The following ATG14 variants were observed in gnomAD, a reference collection of about 807,000 sequenced individuals.
The protein encoded by ATG14 is autophagy related 14.
ATG14 carries 35 observed loss-of-function variants against 60.4 expected under a neutral mutation model. The ratio of observed to expected loss-of-function variants is 0.58; its 90% CI spans 0.44 to 0.77. The LOEUF (loss-of-function observed/expected upper bound fraction) is 0.77, where lower values mean the gene tolerates loss of function less well. ATG14 is among the 30% of genes least tolerant of loss of function. The probability of loss-of-function intolerance (pLI) is 0.00; values close to 1 mark genes in which losing one functional copy is unlikely to be tolerated. For missense variants in ATG14, 647 were observed against 626.3 expected (o/e 1.03, Z -0.35); for synonymous variants, 234 against 228.8 (o/e 1.02, Z -0.21).
At position 55,368,422 on chromosome 14, in the gene ATG14, G is replaced by C. The variant is rs1457882150; in HGVS notation, c.*1197C>G. ...TTTAGTAGAAACAGGGTTTCACCAT[G>C]TTAGCCAGGCTGCTCTCAAACTCCT... is the stretch of plus-strand genomic sequence containing the variant. On this transcript the variant is annotated 3_prime_UTR_variant, in exon 10 of 10. Transcript: ENST00000247178. 6.6e-6 allele frequency: 1 copy of C among 152,150 alleles called. No individual in the cohort carries two copies. Among genetic ancestry groups the C allele is most frequent in the Non-Finnish European group, 1.5e-5 (1 of 68,112 alleles). The allele number at this position is 152,150 out of a possible 1,614,324, so 9.4% of individuals were successfully genotyped here.
In ATG14 at chr14:55,369,716, G is replaced by A. The variant is rs140061696; in HGVS notation, c.1382C>T (p.Ala461Val). ...ACTGCTGCTCGCGATGGGTGGGGAC[G>A]CCTGGGTGCTCTGACTCTGGGAGAC... The part of the protein sequence containing the change: ...VEVSQSQSTQ[A>V]SPPIASSSAG... Residue 461 changes from alanine (A) to valine (V), a missense_variant, in exon 10 of 10, where the codon GCG (alanine) becomes GTG (valine). Physicochemically the swap from Ala to Val is moderately conservative, Grantham distance 64. Transcript: ENST00000247178. 1.9e-4 allele frequency: 302 copies of A among 1,611,756 alleles called. No individual in the cohort carries two copies. In the African/African-American group the frequency reaches 3.5e-3, roughly 18 times the overall value.
chr14:55,372,536 CCCTT>C (rs1359432539), intron 9 of ATG14, among the ~76,000 whole-genome samples: 1 of 151,804 alleles, frequency 6.6e-6, no homozygotes. Flanking sequence ...GCTCACTCCT[CCCTT>C]CCTTCTTTCC....
At chr14:55,371,385 C>G (rs573936503) in intron 9 of ATG14, among the ~76,000 whole-genome samples, 1 of 152,254 alleles carries the variant, frequency 6.6e-6, no homozygotes, top group South Asian at 2.1e-4. Context: ...ACCTGTGCTT[C>G]CCAGATGGAT....
At chr14:55,383,588 C>A (rs57184487) in intron 5 of ATG14, among the ~76,000 whole-genome samples, 19,840 of 149,328 alleles carry the variant, frequency 0.13, 2,573 homozygotes, top group African/African-American at 0.35. Context: ...ACAACAACAA[C>A]AAAAAAAACC....
At chr14:55,376,849 A>G (rs754388249) in intron 9 of ATG14, among the ~76,000 whole-genome samples, 3 of 152,244 alleles carry the variant, frequency 2.0e-5, no homozygotes, top group Non-Finnish European at 4.4e-5. Flanking sequence ...CACCCAGCAC[A>G]GGCGTGCATG....
intron 5 of ATG14, 95 bp downstream of exon 5, chr14:55,385,764 C>G (rs1483649993): frequency 4.1e-5 from 44 of 1,085,354 alleles, no homozygotes; most frequent in Non-Finnish European, 5.6e-5. Flanking sequence ...AACCAATGAC[C>G]CTAGAATAAG....
Position 55,411,637 on chromosome 14 carries a change from G to T in ATG14, c.186C>A (p.Gly62=). ...CGCGGCCGTCGAAGTAGACGAAATC[G>T]CCGCTCTGAACGCATTTGGCGCAGG... ...RLTCAKCVQS[G]DFVYFDGRDR... Residue 62 remains glycine (G), a synonymous_variant, in exon 1 of 10, where the codon GGC becomes GGA. Transcript: ENST00000247178. 6.2e-7 allele frequency: 1 copy of T among 1,612,958 alleles called. No individual in the cohort carries two copies. The highest frequency in any genetic ancestry group is 8.5e-7 in the Non-Finnish European group (1 of 1,179,836).
In ATG14 at chr14:55,390,953, A is replaced by G. The variant is rs1246719730; in HGVS notation, c.367T>C (p.Leu123=). The change falls in exon 4 of 10, where the codon TTA becomes CTA. Residue 123 remains leucine (L), a synonymous_variant. Coordinates refer to ENST00000247178, the MANE Select transcript of ATG14 (RefSeq NM_014924.5). ...TTTCCTTTACATATTGTTTGTTTTA[A>G]CTGTTCAATCCTCATCTTGCAGGAC... ...IMSCKMRIEQ[L]KQTICKGNEE... 1 of 1,606,606 alleles carries G rather than the reference A, an allele frequency of 6.2e-7. No individual in the cohort carries two copies. Among genetic ancestry groups the G allele is most frequent in the South Asian group, 1.1e-5 (1 of 89,380 alleles).
At chr14:55,381,400 T>TA (rs1375548257) in intron 6 of ATG14, among the ~76,000 whole-genome samples, 2 of 152,222 alleles carry the variant, frequency 1.3e-5, no homozygotes, top group African/African-American at 4.8e-5. Context: ...ACTATAAATA[T>TA]GGGTCTAAAC....
chr14:55,390,847 T>A (rs180928003), intron 4 of ATG14, 64 bp downstream of exon 4: 1 of 1,157,258 alleles, frequency 8.6e-7, no homozygotes, highest in Non-Finnish European at 1.3e-6. Context: ...CTCTAGTTTA[T>A]TAATCCCATG....
Position 55,406,631 on chromosome 14 carries a change from T to C in ATG14, c.221+4971A>G, listed in dbSNP as rs550333181. Among the ~76,000 whole-genome samples, 936 of 152,294 alleles carry C rather than the reference T, an allele frequency of 6.1e-3. 12 individuals carry two copies. The highest frequency in any genetic ancestry group is 0.022 in the African/African-American group (895 of 41,556). On this transcript the variant is annotated intron_variant, in intron 1 of 9. Transcript: ENST00000247178. ...CCCAATGAGAGCTCATTAAAAAATA[T>C]CTGGCTATTAGAACAATGGTCCTGG... is the stretch of plus-strand genomic sequence containing the variant.
At chr14:55,371,295 C>G (rs1242479001) in intron 9 of ATG14, among the ~76,000 whole-genome samples, 1 of 152,232 alleles carries the variant, frequency 6.6e-6, no homozygotes, top group African/African-American at 2.4e-5. Context: ...ATGGCTAGCA[C>G]TGGCTTCCAA....
chr14:55,379,074 T>C lies in ATG14; in HGVS notation c.996-1000A>G, dbSNP rs1011032371. Among the ~76,000 whole-genome samples, 4 of 152,160 alleles carry C rather than the reference T, an allele frequency of 2.6e-5. No individual in the cohort carries two copies. In the East Asian group the frequency reaches 7.7e-4, roughly 29 times the overall value. On this transcript the variant is annotated intron_variant, in intron 7 of 9. Transcript: ENST00000247178. ...GCCATGTGACATGCTGTTGATTTGT[T>C]TACTATTTATGCTGGGCCCTCCATG...
chr14:55,370,149 A>G (rs1034678326), intron 9 of ATG14, among the ~76,000 whole-genome samples: 4 of 152,180 alleles, frequency 2.6e-5, no homozygotes, highest in African/African-American at 9.7e-5. Flanking sequence ...ACACTTTCCC[A>G]CAAGTCTGCC....
At chr14:55,383,166 C>T (rs530416542) in intron 5 of ATG14, among the ~76,000 whole-genome samples, 20 of 152,268 alleles carry the variant, frequency 1.3e-4, no homozygotes, top group African/African-American at 4.6e-4. Flanking sequence ...GCGTCCCATG[C>T]CATCATATGC....
intron 9 of ATG14, among the ~76,000 whole-genome samples, chr14:55,376,830 A>G (rs1884927177): frequency 6.6e-6 from 1 of 152,214 alleles, no homozygotes. Flanking sequence ...GCAAGGAAAA[A>G]AGGGCAAACA....
intron 1 of ATG14, among the ~76,000 whole-genome samples, chr14:55,404,197 C>G (rs1885453949): frequency 6.6e-6 from 1 of 152,192 alleles, no homozygotes; most frequent in African/African-American, 2.4e-5. Flanking sequence ...ACAAATTCAT[C>G]TGAAAAATAT....
rs1450476061 is a variant in ATG14 at position 55,380,873 on chromosome 14, ATAT to A, written c.878-186_878-184del. On this transcript the variant is annotated intron_variant, in intron 6 of 9. Coordinates refer to ENST00000247178, the MANE Select transcript of ATG14 (RefSeq NM_014924.5). Reference sequence around the variant, plus strand: ...TTTGTGTGTATATATATATATATATATATTTTTTTTTTTTTTTTTGCTGAGAGC... The same window carrying A: ...TTTGTGTGTATATATATATATATATATTTTTTTTTTTTTTTTGCTGAGAGC... Among the ~76,000 whole-genome samples, 602 of 90,888 alleles carry A rather than the reference ATAT, an allele frequency of 6.6e-3. 5 individuals are homozygous for A. The highest frequency in any genetic ancestry group is 0.036 in the African/African-American group (552 of 15,186). 59.6% of individuals were successfully genotyped at this position (90,888 alleles called of 152,430 possible). A position where few individuals can be genotyped will look rare whatever the true frequency, so the allele number is the denominator to read the frequency against.
intron 1 of ATG14, among the ~76,000 whole-genome samples, chr14:55,402,949 A>ATG (rs1885431140): frequency 2.5e-5 from 2 of 79,380 alleles, no homozygotes; most frequent in Non-Finnish European, 5.2e-5. Context: ...ATATATATAT[A>ATG]TATATATATA....
Sources: gnomAD v4.1 joint callset for allele counts (sites outside exome capture counted in the v4.1 genomes callset) on GRCh38, gnomAD v4.1.1 for gene constraint, MANE v1.5 for transcripts, NCBI Gene and HGNC (gene_info 2026-07-23, HGNC 2026-07-21) for gene names.